Variants in STX12 observed in about 807,000 individuals in gnomAD.
STX12 encodes syntaxin 12, also known as syntaxin-12.
In STX12, 17 loss-of-function variants were observed where a neutral mutation model predicts 42.2. That is an observed-to-expected ratio of 0.40 (90% CI 0.28 to 0.60). The LOEUF (loss-of-function observed/expected upper bound fraction) is 0.60. Among genes scored for constraint, STX12 ranks in the 20% least tolerant of loss-of-function variants. The pLI is 0.39. For missense variants in STX12, 297 were observed against 330.9 expected (o/e 0.90, Z 0.79); for synonymous variants, 108 against 116.7 (o/e 0.93, Z 0.48).
At chr1:27,801,021 A>G (rs1013720165) in intron 3 of STX12, among the ~76,000 whole-genome samples, 4 of 152,252 alleles carry the variant, frequency 2.6e-5, no homozygotes, top group Admixed American at 6.5e-5. Flanking sequence ...TTTGGATTCA[A>G]CTGGAGTCCA....
At chr1:27,790,796 G>A (rs1031378802) in intron 2 of STX12, among the ~76,000 whole-genome samples, 1 of 151,790 alleles carries the variant, frequency 6.6e-6, no homozygotes, top group Non-Finnish European at 1.5e-5. Context: ...ACAAAAATCA[G>A]CTGGATGTGT....
chr1:27,785,740 C>G (rs1361313848), intron 1 of STX12, among the ~76,000 whole-genome samples: 1 of 152,072 alleles, frequency 6.6e-6, no homozygotes, highest in Non-Finnish European at 1.5e-5. Flanking sequence ...TCTTCTGCCT[C>G]AAAGAGCTTG....
chr1:27,787,029 C>T (rs1458257160), intron 1 of STX12, among the ~76,000 whole-genome samples: 2 of 152,156 alleles, frequency 1.3e-5, no homozygotes, highest in Non-Finnish European at 2.9e-5. Flanking sequence ...AGTGGTTCCT[C>T]ACTTAGTAGA....
intron 7 of STX12, 53 bp from the exon 8 acceptor site, chr1:27,819,597 C>T (rs764512723): frequency 3.4e-6 from 5 of 1,479,396 alleles, no homozygotes; most frequent in Admixed American, 1.8e-5. Flanking sequence ...GTTCAATTTG[C>T]AGTCTTAAAA....
At chr1:27,803,564 G>T (rs2088840092) in intron 4 of STX12, among the ~76,000 whole-genome samples, 1 of 152,154 alleles carries the variant, frequency 6.6e-6, no homozygotes, top group African/African-American at 2.4e-5. Context: ...ATGTATTTCA[G>T]ATGGAAGGAA....
chr1:27,819,830 G>C, intron 8 of STX12, 98 bp downstream of exon 8: 1 of 1,022,224 alleles, frequency 9.8e-7, no homozygotes, highest in South Asian at 1.5e-5. Context: ...CTTTGCTTAG[G>C]TTTAAGCTAA....
chr1:27,800,364 G>A (rs2088818956), intron 3 of STX12, among the ~76,000 whole-genome samples: 2 of 152,084 alleles, frequency 1.3e-5, no homozygotes, highest in Non-Finnish European at 2.9e-5. Context: ...GGATATAGCA[G>A]TTATTTATAA....
At chr1:27,783,752 T>C (rs1355967551) in intron 1 of STX12, among the ~76,000 whole-genome samples, 1 of 152,206 alleles carries the variant, frequency 6.6e-6, no homozygotes, top group Non-Finnish European at 1.5e-5. Context: ...AATACCCAAT[T>C]ATTTTCCTTC....
chr1:27,820,897 C>G (rs923293700), intron 8 of STX12, among the ~76,000 whole-genome samples: 1 of 151,848 alleles, frequency 6.6e-6, no homozygotes, highest in African/African-American at 2.4e-5. Flanking sequence ...AATTGGAAAT[C>G]ATCATTCTCA....
intron 1 of STX12, among the ~76,000 whole-genome samples, chr1:27,787,656 A>C (rs1472494837): frequency 1.3e-5 from 2 of 149,890 alleles, no homozygotes; most frequent in Non-Finnish European, 2.9e-5. Context: ...GAGACTCTGT[A>C]TCAAAAAAAA....
At chr1:27,773,962 G>T (rs2088612789) in intron 1 of STX12, 1 of 152,320 alleles carries the variant, frequency 6.6e-6, no homozygotes, top group Admixed American at 6.5e-5. Flanking sequence ...TTCCTGTAAT[G>T]AATTCGGAAA....
In STX12 at chr1:27,823,194, A is replaced by G. The variant is rs2088996426; in HGVS notation, c.*865A>G. 6.6e-6 allele frequency: 1 copy of G among 152,248 alleles called. No homozygotes were observed. 9.4% of individuals were successfully genotyped at this position (152,248 alleles called of 1,614,324 possible). ...TGTTGTTGTTCACTTGTGGTTCTAC[A>G]TTCCTGGTGAATGATGAATGTTGCT... On this transcript the variant is annotated 3_prime_UTR_variant, in exon 9 of 9. Coordinates refer to ENST00000373943, the MANE Select transcript of STX12 (RefSeq NM_177424.3).
intron 3 of STX12, among the ~76,000 whole-genome samples, chr1:27,796,081 A>C (rs1453405893): frequency 6.6e-6 from 1 of 152,234 alleles, no homozygotes; most frequent in Non-Finnish European, 1.5e-5. Flanking sequence ...ACCAAATAGA[A>C]GTTATTTTTG....
intron 4 of STX12, among the ~76,000 whole-genome samples, chr1:27,802,321 C>T (rs1427183148): frequency 6.6e-6 from 1 of 152,084 alleles, no homozygotes; most frequent in Non-Finnish European, 1.5e-5. Context: ...ATCCTCATGG[C>T]ATGGGGAGGA....
intron 1 of STX12, among the ~76,000 whole-genome samples, chr1:27,783,252 T>C (rs915601453): frequency 6.6e-6 from 1 of 152,212 alleles, no homozygotes; most frequent in African/African-American, 2.4e-5. Flanking sequence ...TCATACTCTT[T>C]TAAAAGTTTT....
chr1:27,792,036 A>T lies in STX12; in HGVS notation c.189-1497A>T, dbSNP rs1466942739. On this transcript the variant is annotated intron_variant, in intron 2 of 8. Coordinates refer to ENST00000373943, the MANE Select transcript of STX12 (RefSeq NM_177424.3). Reference sequence around the variant, plus strand: ...AGTATATAAATATATATAAAATATAAATATAGTATATAAATATATCTATAA... The same window carrying T: ...AGTATATAAATATATATAAAATATATATATAGTATATAAATATATCTATAA... Among the ~76,000 whole-genome samples the T allele has an allele frequency of 2.8e-5, 4 of 144,298 alleles. No individual in the cohort carries two copies. The Admixed American group carries it at 2.9e-4, about 10-fold the overall frequency. The allele number at this position is 144,298 out of a possible 152,430, so 94.7% of individuals were successfully genotyped here.
intron 7 of STX12, 166 bp downstream of exon 7, chr1:27,818,089 A>C (rs763595511): frequency 1.6e-6 from 1 of 606,326 alleles, no homozygotes; most frequent in Non-Finnish European, 2.9e-6. Context: ...AGAAAGAAAG[A>C]AAAAGGAGTT....
rs774034990 is a variant in STX12, at chr1:27,801,759, G to A, written c.370G>A (p.Val124Ile). 6.9e-6 allele frequency: 11 copies of A among 1,596,158 alleles called. No homozygotes were observed. The highest frequency in any genetic ancestry group is 9.4e-6 in the Non-Finnish European group (11 of 1,173,668). ...CAATTTCCAGGCTGTGCAGAGAAGG[G>A]TATCTGAAAAGGAAAAGGAGAGTAT... ...LNNFQAVQRR[V>I]SEKEKESIAR... Residue 124 changes from valine to isoleucine, a missense_variant, in exon 4 of 9, where the codon GTA becomes ATA. By Grantham distance (29) the Val-to-Ile change is conservative. Coordinates refer to ENST00000373943, the MANE Select transcript of STX12 (RefSeq NM_177424.3).
intron 2 of STX12, among the ~76,000 whole-genome samples, chr1:27,792,224 GTATATACATA>G (rs2088750850): frequency 5.4e-5 from 5 of 92,146 alleles, no homozygotes; most frequent in Non-Finnish European, 9.0e-5. Flanking sequence ...CTATATATAT[GTATATACATA>G]TATATGTATC....
Sources: gnomAD v4.1 joint callset for allele counts (sites outside exome capture counted in the v4.1 genomes callset) on GRCh38, gnomAD v4.1.1 for gene constraint, MANE v1.5 for transcripts, NCBI Gene and HGNC (gene_info 2026-07-23, HGNC 2026-07-21) for gene names.